CEP192: variants seen among roughly 807,000 people sequenced by gnomAD.
CEP192 encodes the protein centrosomal protein 192.
CEP192 carries 151 observed loss-of-function variants against 271.8 expected under a neutral mutation model. That is an observed-to-expected ratio of 0.56 (90% CI 0.49 to 0.64). The LOEUF (loss-of-function observed/expected upper bound fraction) is 0.64, where lower values mean the gene tolerates loss of function less well. Ranked by LOEUF, CEP192 falls within the 30% of genes least tolerant of loss-of-function variation. The pLI, the probability that CEP192 is intolerant of heterozygous loss-of-function variation, is 0.00. For synonymous variants in CEP192, 995 were observed against 1,076.5 expected (o/e 0.92, Z 1.48); for missense variants, 2,910 against 3,020.5 (o/e 0.96, Z 0.86).
chr18:13,092,937 G>A (rs2039219173), intron 34 of CEP192, among the ~76,000 whole-genome samples: 1 of 152,012 alleles, frequency 6.6e-6, no homozygotes, highest in African/African-American at 2.4e-5. Context: ...GGCGGATCAC[G>A]AGGTCAGGAG....
chr18:13,124,600 C>T, intron 44 of CEP192, 32 bp from the exon 45 acceptor site: 8 of 1,590,924 alleles, frequency 5.0e-6, no homozygotes, highest in Non-Finnish European at 6.9e-6. Context: ...GCTGTCATGA[C>T]ATGCTGCTGT....
intron 4 of CEP192, among the ~76,000 whole-genome samples, chr18:13,009,014 G>T (rs8097981): frequency 0.13 from 16,086 of 119,766 alleles, 1,295 homozygotes; most frequent in East Asian, 0.35. Flanking sequence ...TGGCCTTTTT[G>T]TTTTTTTTTT....
At chr18:13,022,804 T>C (rs1008997975) in intron 9 of CEP192, among the ~76,000 whole-genome samples, 1 of 152,216 alleles carries the variant, frequency 6.6e-6, no homozygotes, top group Non-Finnish European at 1.5e-5. Context: ...GTGTTGAGTC[T>C]TCCTATCCAT....
At chr18:13,004,018 A>G (rs939703286) in intron 3 of CEP192, among the ~76,000 whole-genome samples, 1 of 152,212 alleles carries the variant, frequency 6.6e-6, no homozygotes, top group Non-Finnish European at 1.5e-5. Flanking sequence ...CCTGGAAGCC[A>G]TGTCAAGAGC....
At chr18:13,103,653 AACTG>A (rs1568424171) in intron 39 of CEP192, 65 bp downstream of exon 39, 4 of 1,229,640 alleles carry the variant, frequency 3.3e-6, no homozygotes, top group Non-Finnish European at 4.8e-6. Flanking sequence ...ATGTTCTAAA[AACTG>A]ACTATGAGCA....
chr18:12,996,758 T>A (rs1276626627), intron 1 of CEP192, among the ~76,000 whole-genome samples: 1 of 151,840 alleles, frequency 6.6e-6, no homozygotes, highest in East Asian at 1.9e-4. Context: ...AAGGAAGGAG[T>A]AATCACCTGA....
At position 12,999,581 on chromosome 18, in the gene CEP192, G is replaced by A. The variant is rs1185632100; in HGVS notation, c.157G>A (p.Asp53Asn). The A allele has an allele frequency of 1.3e-6, 2 of 1,531,012 alleles. No homozygotes were observed. The highest frequency in any genetic ancestry group is 1.8e-6 in the Non-Finnish European group (2 of 1,140,302). 94.8% of individuals were successfully genotyped at this position (1,531,012 alleles called of 1,614,324 possible). A position where few individuals can be genotyped will look rare whatever the true frequency, so the allele number is the denominator to read the frequency against. ...STLARDRSST[D>N]NRYPDIQASY... ...ACTTGCTAGGGATAGATCCAGCACTGATAACAGGTAAGATTTGTTTGAGCA... is the reference window on the plus strand; with the variant it reads ...ACTTGCTAGGGATAGATCCAGCACTAATAACAGGTAAGATTTGTTTGAGCA... Residue 53 changes from aspartate to asparagine, a missense_variant, in exon 2 of 45, where the codon GAT (aspartate) becomes AAT (asparagine). Coordinates refer to ENST00000506447, the MANE Select transcript of CEP192 (RefSeq NM_032142.4).
chr18:13,097,149 A>AT (rs2039439332), intron 36 of CEP192, among the ~76,000 whole-genome samples: 1 of 152,196 alleles, frequency 6.6e-6, no homozygotes, highest in Admixed American at 6.5e-5. Context: ...GCATGCAGCA[A>AT]GTGTTTCTCA....
chr18:13,121,185 G>A (rs998051887), intron 44 of CEP192, among the ~76,000 whole-genome samples: 1 of 152,196 alleles, frequency 6.6e-6, no homozygotes, highest in Non-Finnish European at 1.5e-5. Context: ...AACAAAATCT[G>A]TGTTCTTAAA....
At chr18:13,056,752 C>A in intron 19 of CEP192, 54 bp downstream of exon 19, 1 of 1,395,090 alleles carries the variant, frequency 7.2e-7, no homozygotes. Flanking sequence ...TCAAATGACA[C>A]CACAAAGCTA....
chr18:13,067,001 C>CTGTGTGTG (rs1598496370), intron 21 of CEP192, among the ~76,000 whole-genome samples: 1 of 109,088 alleles, frequency 9.2e-6, no homozygotes, highest in African/African-American at 4.5e-5. Flanking sequence ...GTGTGTGTGC[C>CTGTGTGTG]TGTATAATAC....
chr18:13,097,741 A>T (rs537554780), intron 36 of CEP192, among the ~76,000 whole-genome samples: 2 of 149,036 alleles, frequency 1.3e-5, no homozygotes, highest in East Asian at 3.9e-4. Context: ...AGGTCAGCAG[A>T]TAAACAAGTG....
chr18:13,124,347 G>A (rs2040808846), intron 44 of CEP192: 3 of 265,166 alleles, frequency 1.1e-5, no homozygotes, highest in African/African-American at 2.2e-5. Context: ...AAAGCTGTAT[G>A]TATGATAGTT....
intron 36 of CEP192, among the ~76,000 whole-genome samples, chr18:13,097,947 A>G (rs373167923): frequency 2.0e-5 from 3 of 152,106 alleles, no homozygotes; most frequent in Non-Finnish European, 4.4e-5. Flanking sequence ...GTTTCAGAGA[A>G]CACAGGGTTG....
At chr18:13,105,112 C>G in intron 40 of CEP192, 33 bp downstream of exon 40, 1 of 1,464,178 alleles carries the variant, frequency 6.8e-7, no homozygotes, top group Non-Finnish European at 9.6e-7. Context: ...ATAGGAACAT[C>G]ATGTAAATTG....
At chr18:13,039,822 A>G (rs1360220834) in intron 13 of CEP192, among the ~76,000 whole-genome samples, 1 of 152,232 alleles carries the variant, frequency 6.6e-6, no homozygotes, top group African/African-American at 2.4e-5. Flanking sequence ...AGCAAAAGAC[A>G]GAAGAGGGAA....
chr18:13,032,272 G>A (rs980157969), intron 11 of CEP192, among the ~76,000 whole-genome samples: 41 of 152,176 alleles, frequency 2.7e-4, no homozygotes, highest in African/African-American at 9.7e-4. Context: ...ATAGTAGAGA[G>A]GCAGGAAGAG....
chr18:13,091,849 A>G (rs1243207006), intron 33 of CEP192, among the ~76,000 whole-genome samples: 1 of 152,196 alleles, frequency 6.6e-6, no homozygotes, highest in Admixed American at 6.6e-5. Context: ...TTGAATGTCT[A>G]TGAGACTGCC....
chr18:13,015,361 G>T lies in CEP192; in HGVS notation c.553G>T (p.Asp185Tyr). 1 of 1,550,288 alleles carries T rather than the reference G, an allele frequency of 6.5e-7. No homozygotes were observed. Among genetic ancestry groups the T allele is most frequent in the Non-Finnish European group, 8.7e-7 (1 of 1,146,532 alleles). Residue 185 changes from aspartate (D) to tyrosine (Y), a missense_variant, in exon 6 of 45, where the codon GAC becomes TAC. Transcript: ENST00000506447. ...VVLDAGKHFE[D>Y]KTLKSDLSHT... ...GCTTGATGCTGGAAAACATTTTGAA[G>T]ACAAGACTCTAAAGAGTGACCTAAG...
Sources: allele counts gnomAD v4.1 joint callset (sites outside exome capture counted in the v4.1 genomes callset), GRCh38; gene constraint gnomAD v4.1.1; transcripts MANE v1.5; gene names NCBI Gene and HGNC (gene_info 2026-07-23, HGNC 2026-07-21).